Variants in PROX1 observed in about 807,000 individuals in gnomAD.
PROX1 encodes prospero homeobox protein 1.
A neutral mutation model predicts 58.8 loss-of-function variants in PROX1; 7 were observed. That is an observed-to-expected ratio of 0.12 (90% CI 0.07 to 0.22). PROX1 has a LOEUF of 0.22. Among genes scored for constraint, PROX1 ranks in the 10% least tolerant of loss-of-function variants. PROX1 has a pLI of 1.00. For synonymous variants in PROX1, 350 were observed against 358.3 expected, an observed-to-expected ratio of 0.98 and a Z score of 0.26; for missense variants, 675 against 927.8, an observed-to-expected ratio of 0.73 and a Z score of 3.54.
At chr1:214,035,049 GACTTCA>G (rs1664784596) in intron 4 of PROX1, among the ~76,000 whole-genome samples, 1 of 152,110 alleles carries the variant, frequency 6.6e-6, no homozygotes, top group Admixed American at 6.5e-5. Flanking sequence ...TCAGTTTTGT[GACTTCA>G]TGTTAATATT....
Position 213,996,973 on chromosome 1 carries a change from G to A in PROX1, c.438G>A (p.Arg146=). The A allele has an allele frequency of 6.2e-7, 1 of 1,614,076 alleles. No homozygotes were observed. The highest frequency in any genetic ancestry group is 8.5e-7 in the Non-Finnish European group (1 of 1,180,042). The change falls in exon 2 of 5, where the codon AGG becomes AGA. Residue 146 remains arginine (R), a synonymous_variant. Transcript: ENST00000366958. ...CAGAGTGTCTTTCCCCTTTTGGCAG[G>A]CCTACTATGAGCCAGTTTGATATGG... ...SPPECLSPFG[R]PTMSQFDMDR... is the part of the protein sequence containing the mutation.
chr1:214,017,456 G>C (rs1352493982), intron 4 of PROX1, among the ~76,000 whole-genome samples: 1 of 151,866 alleles, frequency 6.6e-6, no homozygotes, highest in Non-Finnish European at 1.5e-5. Context: ...TCAACTCTTT[G>C]TGTTTGTCTG....
At chr1:214,011,768 T>A (rs988505901) in intron 4 of PROX1, 53 bp downstream of exon 4, 6 of 1,429,576 alleles carry the variant, frequency 4.2e-6, no homozygotes, top group South Asian at 1.4e-5. Flanking sequence ...TTTTAAAAAA[T>A]TTATTTTCTT....
At position 214,039,688 on chromosome 1, in the gene PROX1, A is replaced by T. The variant is rs925962967; in HGVS notation, c.*3854A>T. ...AAAAGTTAACAATCTCTTTTATCAG[A>T]TGTCAAGGGCAAGGGTAATGCAGTT... On this transcript the variant is annotated 3_prime_UTR_variant, in exon 5 of 5. Coordinates refer to ENST00000366958, the MANE Select transcript of PROX1 (RefSeq NM_001270616.2). 1.3e-5 allele frequency: 2 copies of T among 152,208 alleles called. No individual in the cohort carries two copies. Among genetic ancestry groups the T allele is most frequent in the African/African-American group, 2.4e-5 (1 of 41,442 alleles). The allele number at this position is 152,208 out of a possible 1,614,324, so 9.4% of individuals were successfully genotyped here.
At chr1:214,033,685 G>A (rs1209673228) in intron 4 of PROX1, among the ~76,000 whole-genome samples, 1 of 152,244 alleles carries the variant, frequency 6.6e-6, no homozygotes, top group African/African-American at 2.4e-5. Flanking sequence ...GTGGGCAGTT[G>A]CTCCGCTTCA....
chr1:213,996,219 G>C (rs1036889507), intron 1 of PROX1, among the ~76,000 whole-genome samples: 5 of 152,058 alleles, frequency 3.3e-5, no homozygotes, highest in Non-Finnish European at 7.4e-5. Context: ...ATTTGTGAGA[G>C]AGAATCATAT....
intron 3 of PROX1, among the ~76,000 whole-genome samples, chr1:214,008,738 T>A (rs1172352783): frequency 6.6e-6 from 1 of 152,218 alleles, no homozygotes; most frequent in Non-Finnish European, 1.5e-5. Flanking sequence ...GCGAGAGTTC[T>A]TCTTCTACAG....
chr1:214,035,629 T>C lies in PROX1; in HGVS notation c.2029-20T>C, dbSNP rs1246440892. 1 of 1,593,274 alleles carries C rather than the reference T, an allele frequency of 6.3e-7. No homozygotes were observed. Among genetic ancestry groups the C allele is most frequent in the Admixed American group, 1.7e-5 (1 of 57,278 alleles). On this transcript the variant is annotated intron_variant, in intron 4 of 4. Coordinates refer to ENST00000366958, the MANE Select transcript of PROX1 (RefSeq NM_001270616.2). ...GAAACTGAAAACTTTATTAATGCCA[T>C]TGTCTCCTTGTATCAGCAGGTTCCA...
intron 4 of PROX1, among the ~76,000 whole-genome samples, chr1:214,024,913 G>T (rs1374606602): frequency 6.6e-6 from 1 of 152,124 alleles, no homozygotes; most frequent in Non-Finnish European, 1.5e-5. Context: ...TAAACTTCAA[G>T]GGCTGTCAGC....
intron 4 of PROX1, among the ~76,000 whole-genome samples, chr1:214,019,423 G>T (rs184909669): frequency 2.1e-4 from 32 of 152,242 alleles, no homozygotes; most frequent in African/African-American, 7.0e-4. Context: ...TTTTCCTTTT[G>T]CCCCTCCATT....
intron 1 of PROX1, among the ~76,000 whole-genome samples, chr1:213,990,242 G>A (rs771025747): frequency 7.9e-5 from 12 of 151,932 alleles, no homozygotes; most frequent in East Asian, 1.9e-4. Flanking sequence ...GGGCCTGACA[G>A]GTGTGTTGTG....
In PROX1 at chr1:214,026,997, T is replaced by G. The variant is rs187215740; in HGVS notation, c.2029-8652T>G. Among the ~76,000 whole-genome samples, 217 of 152,326 alleles carry G rather than the reference T, an allele frequency of 1.4e-3. 1 individual carries two copies. The highest frequency in any genetic ancestry group is 4.9e-3 in the African/African-American group (204 of 41,564). On this transcript the variant is annotated intron_variant, in intron 4 of 4. Transcript: ENST00000366958. ...CATATCTGTTTGCTATCAGCATTTA[T>G]AAGGGCTGGTGTGGCATTGGAGGAT... is the stretch of plus-strand genomic sequence containing the variant.
upstream of PROX1, chr1:213,987,399 A>AT (rs1273144752): frequency 6.6e-6 from 1 of 150,696 alleles, no homozygotes; most frequent in East Asian, 2.0e-4. Context: ...TGATTTGCAG[A>AT]TCCCCCCCTC....
In PROX1 at chr1:214,040,913, T is replaced by C. The variant is rs944358531; in HGVS notation, c.*5079T>C. 5.3e-5 allele frequency: 8 copies of C among 152,064 alleles called. No homozygotes were observed. Among genetic ancestry groups the C allele is most frequent in the African/African-American group, 1.9e-4 (8 of 41,436 alleles). The allele number at this position is 152,064 out of a possible 1,614,324, so 9.4% of individuals were successfully genotyped here. ...TACCAAGGATGTACTGTAATATTAA[T>C]TGATATGATAAACACAATGAGACTC... is the stretch of plus-strand genomic sequence containing the variant. On this transcript the variant is annotated 3_prime_UTR_variant, in exon 5 of 5. Coordinates refer to ENST00000366958, the MANE Select transcript of PROX1 (RefSeq NM_001270616.2).
chr1:213,994,053 T>C (rs74604645), intron 1 of PROX1, among the ~76,000 whole-genome samples: 1 of 152,190 alleles, frequency 6.6e-6, no homozygotes, highest in East Asian at 1.9e-4. Flanking sequence ...GATGCAGCTG[T>C]TGATACCTAG....
intron 4 of PROX1, among the ~76,000 whole-genome samples, chr1:214,035,093 ATACTT>A (rs1246565348): frequency 1.9e-4 from 29 of 152,266 alleles, no homozygotes; most frequent in African/African-American, 6.7e-4. Context: ...TGTATATAGA[ATACTT>A]TATATTGCAG....
At chr1:213,999,550 T>C (rs1056351493) in intron 2 of PROX1, among the ~76,000 whole-genome samples, 1 of 152,158 alleles carries the variant, frequency 6.6e-6, no homozygotes, top group Admixed American at 6.5e-5. Flanking sequence ...ATAGTGTAGA[T>C]TTCTGATAGG....
At position 214,035,659 on chromosome 1, in the gene PROX1, G is replaced by C. The variant is rs1444108466; in HGVS notation, c.2039G>C (p.Arg680Thr). Residue 680 changes from arginine (R) to threonine (T), a missense_variant, in exon 5 of 5, where the codon AGA (arginine) becomes ACA (threonine). By Grantham distance (71) the Arg-to-Thr change is moderately conservative. This residue lies in a region of PROX1 where 50 missense variants were observed against 79.3 expected (regional missense o/e 0.63). Coordinates refer to ENST00000366958, the MANE Select transcript of PROX1 (RefSeq NM_001270616.2). ...NKANDFEVPERFLEVAQITLR... is the reference protein window; with the variant it reads ...NKANDFEVPETFLEVAQITLR... ...TCCTTGTATCAGCAGGTTCCAGAGA[G>C]ATTCCTGGAAGTTGCTCAGATCACA... The C allele has an allele frequency of 6.2e-7, 1 of 1,611,772 alleles. No individual in the cohort carries two copies. Among genetic ancestry groups the C allele is most frequent in the Non-Finnish European group, 8.5e-7 (1 of 1,178,774 alleles).
Position 213,996,613 on chromosome 1 carries a change from G to A in PROX1, c.78G>A (p.Thr26=), listed in dbSNP as rs746084262. Residue 26 remains threonine (T), a synonymous_variant, in exon 2 of 5, where the codon ACG becomes ACA. Transcript: ENST00000366958. ...GAGTTGACATTGGAGTGAAAAGGAC[G>A]GTAGGGACAGCATCTGCATTTTTTG... ...RRRVDIGVKR[T]VGTASAFFAK... 6.8e-6 allele frequency: 11 copies of A among 1,614,136 alleles called. No homozygotes were observed. The South Asian group carries it at 9.9e-5, about 15-fold the overall frequency.
Sources: allele counts gnomAD v4.1 joint callset (sites outside exome capture counted in the v4.1 genomes callset), GRCh38; gene constraint gnomAD v4.1.1; regional missense constraint gnomAD v4.1.1; transcripts MANE v1.5; gene names NCBI Gene and HGNC (gene_info 2026-07-23, HGNC 2026-07-21).